Variants in MORC2 observed in about 807,000 individuals in gnomAD.
MORC2 encodes the protein ATPase MORC2.
Under a neutral mutation model 136.0 loss-of-function variants are expected in MORC2, and 30 were observed. The observed-to-expected ratio is 0.22, with a 90% CI of 0.17 to 0.30. The LOEUF (loss-of-function observed/expected upper bound fraction) is 0.30. Among genes scored for constraint, MORC2 ranks in the 10% least tolerant of loss-of-function variants. The pLI is 1.00. For synonymous variants in MORC2, 439 were observed against 487.0 expected (o/e 0.90, Z 1.30); for missense variants, 922 against 1,333.1 (o/e 0.69, Z 4.80).
chr22:30,950,388 C>G lies in MORC2; in HGVS notation c.215G>C (p.Gly72Ala). ...ATCTCATCACTTACTTGGATCCATT[C>G]CTGCTCCATCATCCAAAAAGCAAAG... ...FMLCFLDDGA[G>A]MDPSDAASVI... The change falls in exon 4 of 26, where the codon GGA (glycine) becomes GCA (alanine). Residue 72 changes from glycine to alanine, a missense_variant. By Grantham distance (60) the Gly-to-Ala change is moderately conservative. This residue lies in a region of MORC2 where 57 missense variants were observed against 71.8 expected (regional missense o/e 0.79). Transcript: ENST00000397641. 7.5e-7 allele frequency: 1 copy of G among 1,326,654 alleles called. No homozygotes were observed. Among genetic ancestry groups the G allele is most frequent in the Non-Finnish European group, 1.0e-6 (1 of 994,306 alleles). 82.2% of individuals were successfully genotyped at this position (1,326,654 alleles called of 1,614,324 possible).
At chr22:30,943,881 T>C (rs1487948636) in intron 6 of MORC2, among the ~76,000 whole-genome samples, 3 of 152,206 alleles carry the variant, frequency 2.0e-5, no homozygotes, top group Non-Finnish European at 4.4e-5. Flanking sequence ...GTGATTCTCC[T>C]GCCTCAGCCT....
chr22:30,950,481 C>G, intron 3 of MORC2, 36 bp from the exon 4 acceptor site: 3 of 1,599,258 alleles, frequency 1.9e-6, no homozygotes. Flanking sequence ...TGGGCCGTTA[C>G]CCACCACAGG....
Position 30,947,450 on chromosome 22 carries a change from C to A in MORC2, c.318-1001G>T, listed in dbSNP as rs1034347714. Among the ~76,000 whole-genome samples, 3 of 152,196 alleles carry A rather than the reference C, an allele frequency of 2.0e-5. No individual in the cohort carries two copies. In the East Asian group the frequency reaches 5.8e-4, roughly 29 times the overall value. ...GCTTCTGGAGCTTTATGGCTATTAT[C>A]TCATTAGTCTTTATAACACCCCAGG... On this transcript the variant is annotated intron_variant, in intron 5 of 25. Transcript: ENST00000397641.
At chr22:30,950,353 C>CACCA in intron 4 of MORC2, 24 bp downstream of exon 4, 1 of 1,481,954 alleles carries the variant, frequency 6.7e-7, no homozygotes, top group Non-Finnish European at 9.4e-7. Context: ...CCCCACCCCC[C>CACCA]AAAACAATAA....
chr22:30,960,128 C>A (rs578220428), intron 1 of MORC2, among the ~76,000 whole-genome samples: 5 of 152,154 alleles, frequency 3.3e-5, no homozygotes, highest in East Asian at 1.9e-4. Flanking sequence ...CCACCACACC[C>A]GGCTAATTTT....
intron 1 of MORC2, 98 bp downstream of exon 1, chr22:30,967,724 C>T: frequency 6.5e-7 from 1 of 1,530,458 alleles, no homozygotes; most frequent in South Asian, 1.2e-5. Context: ...GGATACATCT[C>T]AAAAAGTGAA....
At chr22:30,945,503 C>G (rs558294875) in intron 6 of MORC2, among the ~76,000 whole-genome samples, 3 of 152,280 alleles carry the variant, frequency 2.0e-5, no homozygotes, top group Non-Finnish European at 2.9e-5. Flanking sequence ...CTTAGCCCCC[C>G]TTCTTTCAAG....
intron 1 of MORC2, chr22:30,963,363 T>C: frequency 1.0e-6 from 1 of 968,602 alleles, no homozygotes. Context: ...TTTTTGAAAA[T>C]TCGTTCACTT....
At position 30,937,510 on chromosome 22, in the gene MORC2, T is replaced by C; in HGVS notation, c.1498+73A>G. 6 of 1,569,698 alleles carry C rather than the reference T, an allele frequency of 3.8e-6. No homozygotes were observed. Among genetic ancestry groups the C allele is most frequent in the Middle Eastern group, 2.4e-4 (1 of 4,214 alleles). On this transcript the variant is annotated intron_variant, in intron 15 of 25. Transcript: ENST00000397641. The surrounding 1 kb of genome is among the most constrained non-coding windows in gnomAD (Gnocchi z 4.7). ...ATGAATGTCAGTCAAGTTAGGAGGC[T>C]GGCAGGAAGATAGAGAAAAGAGGCT...
chr22:30,962,931 A>C (rs1271665212), intron 1 of MORC2, among the ~76,000 whole-genome samples: 1 of 152,062 alleles, frequency 6.6e-6, no homozygotes, highest in Non-Finnish European at 1.5e-5. Flanking sequence ...CCAAGAGTAC[A>C]CTCATTGCTA....
In MORC2 at chr22:30,941,399, G is replaced by A. The variant is rs2040739508; in HGVS notation, c.824+34C>T. 1.2e-6 allele frequency: 2 copies of A among 1,610,310 alleles called. No individual in the cohort carries two copies. The highest frequency in any genetic ancestry group is 1.7e-6 in the Non-Finnish European group (2 of 1,177,826). ...AAACGCGGCCACATCCTCGACCCAT[G>A]GGAGACAGCAGGCCAAGGGGCACTG... is the stretch of plus-strand genomic sequence containing the variant. On this transcript the variant is annotated intron_variant, in intron 9 of 25. Coordinates refer to ENST00000397641, the MANE Select transcript of MORC2 (RefSeq NM_001303256.3). This position sits in a 1 kb window ranked among gnomAD's most constrained non-coding sequence, Gnocchi z 4.6.
chr22:30,933,390 G>A, intron 21 of MORC2, 76 bp downstream of exon 21: 1 of 1,506,352 alleles, frequency 6.6e-7, no homozygotes, highest in East Asian at 2.3e-5. Context: ...TTGGTAAATT[G>A]CTGCTGGTAA....
In MORC2 at chr22:30,941,602, A is replaced by G. The variant is rs111855985; in HGVS notation, c.699-44T>C. 1,888 of 1,597,778 alleles carry G rather than the reference A, an allele frequency of 1.2e-3. 21 individuals are homozygous for G. The African/African-American group carries it at 0.02, about 17-fold the overall frequency. ...GAGAAGTGCTGTCACCTGCTCCACA[A>G]CAGGCCTGACCAAGGGCACAACATC... On this transcript the variant is annotated intron_variant, in intron 8 of 25. Transcript: ENST00000397641. This position sits in a 1 kb window ranked among gnomAD's most constrained non-coding sequence, Gnocchi z 4.6.
chr22:30,926,144 T>C lies in MORC2; in HGVS notation c.*659A>G, dbSNP rs2040478474. On this transcript the variant is annotated 3_prime_UTR_variant, in exon 26 of 26. Transcript: ENST00000397641. ...GTTACTGTGGTGAGAAACCTCACTG[T>C]CCATGGTTAACTGAAGAAATCCCTC... The C allele has an allele frequency of 6.6e-6, 1 of 152,218 alleles. No individual in the cohort carries two copies. Among genetic ancestry groups the C allele is most frequent in the Admixed American group, 6.5e-5 (1 of 15,278 alleles). The allele number at this position is 152,218 out of a possible 1,614,324, so 9.4% of individuals were successfully genotyped here.
At chr22:30,950,353 C>CCAACAAAAAAAA in intron 4 of MORC2, 24 bp downstream of exon 4, 1 of 1,481,962 alleles carries the variant, frequency 6.7e-7, no homozygotes, top group Non-Finnish European at 9.4e-7. Context: ...CCCCACCCCC[C>CCAACAAAAAAAA]AAAACAATAA....
intron 3 of MORC2, among the ~76,000 whole-genome samples, chr22:30,951,418 G>A (rs1190948744): frequency 1.3e-5 from 2 of 152,180 alleles, no homozygotes; most frequent in Non-Finnish European, 2.9e-5. Flanking sequence ...GTGAGCAAAA[G>A]AGAAACCAGC....
chr22:30,930,894 AG>A (rs2040566619), intron 24 of MORC2, among the ~76,000 whole-genome samples: 1 of 152,222 alleles, frequency 6.6e-6, no homozygotes, highest in South Asian at 2.1e-4. Context: ...AAACGTAGTG[AG>A]GGCACTTCTG....
rs1472383471 is a variant in MORC2, at chr22:30,968,548, C to T, written c.-659G>A. 6.6e-6 allele frequency among the ~76,000 whole-genome samples: 1 copy of T among 152,186 alleles called. No homozygotes were observed. The highest frequency in any genetic ancestry group is 1.5e-5 in the Non-Finnish European group (1 of 68,032). ...AGGGTGGTGGTCAGATTACCTCACA[C>T]TTGGCCCACATAAACACCTCACAAA... On this transcript the variant is annotated 5_prime_UTR_variant, in exon 1 of 26. In the 5' UTR this introduces an upstream ATG that the reference lacks. Coordinates refer to ENST00000397641, the MANE Select transcript of MORC2 (RefSeq NM_001303256.3).
chr22:30,929,573 C>T (rs1329327686), intron 24 of MORC2, among the ~76,000 whole-genome samples: 3 of 151,890 alleles, frequency 2.0e-5, no homozygotes, highest in Non-Finnish European at 4.4e-5. Context: ...ACGGTGAAAC[C>T]CCATCTCTAC....
Sources: gnomAD v4.1 joint callset for allele counts (sites outside exome capture counted in the v4.1 genomes callset) on GRCh38, gnomAD v4.1.1 for gene constraint, gnomAD v4.1.1 regional missense constraint, Gnocchi (gnomAD v3.1) non-coding constraint, MANE v1.5 for transcripts, NCBI Gene and HGNC (gene_info 2026-07-23, HGNC 2026-07-21) for gene names.